PRKCB: variants seen among roughly 807,000 people sequenced by gnomAD.
PRKCB encodes the protein protein kinase C beta type.
PRKCB carries 13 observed loss-of-function variants against 81.5 expected under a neutral mutation model. That is an observed-to-expected ratio of 0.16 (90% CI 0.10 to 0.25). The LOEUF is 0.25. PRKCB is among the 10% of genes least tolerant of loss of function. The probability of loss-of-function intolerance (pLI) is 1.00; values close to 1 mark genes in which losing one functional copy is unlikely to be tolerated. For synonymous variants in PRKCB, 335 were observed against 321.4 expected (o/e 1.04, Z -0.45); for missense variants, 509 against 875.7 (o/e 0.58, Z 5.29).
At chr16:24,209,781 C>T (rs1343817903) in intron 16 of PRKCB, among the ~76,000 whole-genome samples, 1 of 152,084 alleles carries the variant, frequency 6.6e-6, no homozygotes, top group African/African-American at 2.4e-5. Context: ...TTAATCTATC[C>T]TTGTACACCA....
At chr16:24,038,871 G>T (rs1393855975) in intron 5 of PRKCB, among the ~76,000 whole-genome samples, 1 of 152,166 alleles carries the variant, frequency 6.6e-6, no homozygotes, top group Non-Finnish European at 1.5e-5. Flanking sequence ...TGAGGCAAGG[G>T]GGCTGTTCTG....
At chr16:23,886,451 C>T (rs12102920) in intron 2 of PRKCB, among the ~76,000 whole-genome samples, 8,417 of 132,774 alleles carry the variant, frequency 0.063, 875 homozygotes, top group African/African-American at 0.24. Flanking sequence ...CTCACTCTGT[C>T]GCCCAGGCTG....
chr16:24,150,906 A>G (rs1320946943), intron 9 of PRKCB, among the ~76,000 whole-genome samples: 1 of 152,194 alleles, frequency 6.6e-6, no homozygotes, highest in Non-Finnish European at 1.5e-5. Flanking sequence ...GTTAATCAGT[A>G]TAGGGCATGT....
chr16:23,980,992 ACTC>A (rs1964693311), intron 2 of PRKCB, among the ~76,000 whole-genome samples: 1 of 150,242 alleles, frequency 6.7e-6, no homozygotes, highest in African/African-American at 2.5e-5. Context: ...GCTACAGTCT[ACTC>A]CTTCCATCTG....
intron 2 of PRKCB, among the ~76,000 whole-genome samples, chr16:23,976,768 G>A (rs1427012904): frequency 6.6e-6 from 1 of 152,118 alleles, no homozygotes; most frequent in Non-Finnish European, 1.5e-5. Context: ...GATCAAAAGC[G>A]GGAAGTCATG....
intron 3 of PRKCB, among the ~76,000 whole-genome samples, chr16:24,013,866 G>A (rs1298732708): frequency 6.6e-6 from 1 of 151,964 alleles, no homozygotes; most frequent in Non-Finnish European, 1.5e-5. Context: ...ATGCGGGCCT[G>A]CTGGTTCAGG....
At chr16:23,902,780 T>TCCTTCTTCCTCCCTC (rs1567307987) in intron 2 of PRKCB, among the ~76,000 whole-genome samples, 13 of 27,394 alleles carry the variant, frequency 4.7e-4, no homozygotes, top group African/African-American at 1.7e-3. Context: ...CTTCCTTCCT[T>TCCTTCTTCCTCCCTC]CCTCCCTCCC....
At chr16:23,989,394 G>A (rs1386296906) in intron 3 of PRKCB, among the ~76,000 whole-genome samples, 1 of 152,158 alleles carries the variant, frequency 6.6e-6, no homozygotes, top group Non-Finnish European at 1.5e-5. Flanking sequence ...TTGTTAGGGT[G>A]TTCCTAATAT....
At chr16:24,103,286 T>C (rs551244046) in intron 7 of PRKCB, among the ~76,000 whole-genome samples, 18 of 152,362 alleles carry the variant, frequency 1.2e-4, no homozygotes, top group Non-Finnish European at 2.2e-4. Context: ...TTAGTTTCTT[T>C]TCTAACATGC....
At chr16:24,158,906 T>A (rs183135045) in intron 10 of PRKCB, among the ~76,000 whole-genome samples, 1 of 152,222 alleles carries the variant, frequency 6.6e-6, no homozygotes, top group East Asian at 1.9e-4. Flanking sequence ...AGCAATCCTC[T>A]TACCTCGGCC....
chr16:23,900,164 G>T (rs921595535), intron 2 of PRKCB, among the ~76,000 whole-genome samples: 4 of 152,114 alleles, frequency 2.6e-5, no homozygotes, highest in African/African-American at 9.7e-5. Flanking sequence ...AAATATACAA[G>T]ACAGCCTCAC....
intron 2 of PRKCB, among the ~76,000 whole-genome samples, chr16:23,880,958 G>A (rs1056399262): frequency 2.6e-5 from 4 of 151,900 alleles, no homozygotes; most frequent in Non-Finnish European, 5.9e-5. Flanking sequence ...TTGGCTTGAC[G>A]ATCTTTAACA....
At chr16:24,057,746 G>T (rs1965922206) in intron 5 of PRKCB, among the ~76,000 whole-genome samples, 1 of 152,034 alleles carries the variant, frequency 6.6e-6, no homozygotes, top group Admixed American at 6.6e-5. Context: ...TTCTGGATGG[G>T]GCAGAGATCT....
chr16:23,845,233 A>G (rs753433457), intron 2 of PRKCB, among the ~76,000 whole-genome samples: 17 of 152,218 alleles, frequency 1.1e-4, no homozygotes, highest in Non-Finnish European at 2.2e-4. Flanking sequence ...GAGATAAGAC[A>G]TTCTACAGAT....
At position 23,870,546 on chromosome 16, in the gene PRKCB, G is replaced by C. The variant is rs575574519; in HGVS notation, c.205+33140G>C. On this transcript the variant is annotated intron_variant, in intron 2 of 16. Transcript: ENST00000643927. ...TCCAGAGGCAACATCCTAAAGCAAA[G>C]TTTCCTTCTAACTGCTCACTTGGGA... Among the ~76,000 whole-genome samples the C allele has an allele frequency of 2.6e-5, 4 of 152,332 alleles. No homozygotes were observed. In the East Asian group the frequency reaches 7.7e-4, roughly 29 times the overall value.
chr16:24,005,598 T>C (rs1965105824), intron 3 of PRKCB, among the ~76,000 whole-genome samples: 1 of 152,238 alleles, frequency 6.6e-6, no homozygotes, highest in Non-Finnish European at 1.5e-5. Flanking sequence ...GTCAGCTCAG[T>C]TCCTGGACTG....
intron 5 of PRKCB, among the ~76,000 whole-genome samples, chr16:24,049,997 G>T (rs2141869266): frequency 6.6e-6 from 1 of 152,328 alleles, no homozygotes; most frequent in Admixed American, 6.5e-5. Flanking sequence ...CAGTGGTGCA[G>T]GTGGACAAGT....
intron 2 of PRKCB, among the ~76,000 whole-genome samples, chr16:23,886,985 C>T (rs1246281151): frequency 2.0e-5 from 3 of 152,166 alleles, no homozygotes; most frequent in Non-Finnish European, 1.5e-5. Flanking sequence ...TCTTTCCACT[C>T]CATTTCTTTT....
At chr16:24,213,357 G>A (rs1212902981) in intron 16 of PRKCB, among the ~76,000 whole-genome samples, 2 of 152,148 alleles carry the variant, frequency 1.3e-5, no homozygotes, top group Non-Finnish European at 2.9e-5. Context: ...AATGGAGCCA[G>A]GAACTTGGGC....
Sources: allele counts gnomAD v4.1 joint callset (sites outside exome capture counted in the v4.1 genomes callset), GRCh38; gene constraint gnomAD v4.1.1; transcripts MANE v1.5; gene names NCBI Gene and HGNC (gene_info 2026-07-23, HGNC 2026-07-21).